NEBL: variants seen among roughly 807,000 people sequenced by gnomAD.
NEBL encodes nebulette, also known as LIM and SH3 protein 2.
In NEBL, 122 loss-of-function variants were observed where a neutral mutation model predicts 140.2. The observed-to-expected ratio is 0.87, with a 90% CI of 0.75 to 1.01. The LOEUF (loss-of-function observed/expected upper bound fraction) is 1.01. NEBL is among the 50% of genes least tolerant of loss of function. The probability of loss-of-function intolerance (pLI) is 0.00; values close to 1 mark genes in which losing one functional copy is unlikely to be tolerated. For missense variants in NEBL, 1,365 were observed against 1,231.3 expected (o/e 1.11, Z -1.62); for synonymous variants, 436 against 398.9 (o/e 1.09, Z -1.11).
chr10:21,215,705 G>A (rs533712919), intron 3 of NEBL, among the ~76,000 whole-genome samples: 23 of 152,270 alleles, frequency 1.5e-4, no homozygotes, highest in Non-Finnish European at 2.9e-4. Context: ...CTGTCATCCA[G>A]TCTGGAACGC....
chr10:20,864,400 G>A (rs1292408712), intron 7 of NEBL, among the ~76,000 whole-genome samples: 1 of 152,082 alleles, frequency 6.6e-6, no homozygotes, highest in Non-Finnish European at 1.5e-5. Context: ...TTACAACTAC[G>A]GGAGCAAAGC....
intron 3 of NEBL, among the ~76,000 whole-genome samples, chr10:21,237,808 T>C (rs78058011): frequency 2.0e-5 from 3 of 152,088 alleles, no homozygotes; most frequent in Non-Finnish European, 4.4e-5. Context: ...GGTTTCACCA[T>C]GTTGGCTGGG....
chr10:21,058,289 G>A (rs968308176), intron 2 of NEBL, among the ~76,000 whole-genome samples: 2 of 152,178 alleles, frequency 1.3e-5, no homozygotes, highest in Admixed American at 6.5e-5. Flanking sequence ...GGAGAGCATA[G>A]ATATAATCCA....
intron 3 of NEBL, among the ~76,000 whole-genome samples, chr10:21,231,050 A>C (rs1842242723): frequency 6.6e-6 from 1 of 152,238 alleles, no homozygotes. Context: ...AAAGAAAGTC[A>C]ATTGATTCAC....
chr10:20,787,247 C>T lies in NEBL; in HGVS notation c.2823G>A (p.Gln941=). 1 of 1,613,518 alleles carries T rather than the reference C, an allele frequency of 6.2e-7. No individual in the cohort carries two copies. The highest frequency in any genetic ancestry group is 8.5e-7 in the Non-Finnish European group (1 of 1,179,736). The change falls in exon 27 of 28, where the codon CAG becomes CAA. Residue 941 remains glutamine, a synonymous_variant. Coordinates refer to ENST00000377122, the MANE Select transcript of NEBL (RefSeq NM_006393.3). ...TTGATCTCATGGATGACACACTGGT[C>T]TGGTGCATGTAGCCATAGCCTTGGG... ...SHSQGYGYMH[Q]TSVSSMRSMQ...
chr10:20,851,546 C>T (rs538276681), intron 10 of NEBL, among the ~76,000 whole-genome samples: 6 of 150,684 alleles, frequency 4.0e-5, no homozygotes, highest in African/African-American at 9.8e-5. Flanking sequence ...GAGGCCAAGG[C>T]GGGCAGATCA....
At chr10:20,906,659 G>T (rs145948853) in intron 4 of NEBL, among the ~76,000 whole-genome samples, 103 of 152,038 alleles carry the variant, frequency 6.8e-4, no homozygotes, top group African/African-American at 2.4e-3. Flanking sequence ...GGGGGTGTGG[G>T]TGTGTCTATG....
At chr10:21,019,119 C>G (rs1480007882) in intron 3 of NEBL, among the ~76,000 whole-genome samples, 1 of 152,192 alleles carries the variant, frequency 6.6e-6, no homozygotes, top group Non-Finnish European at 1.5e-5. Flanking sequence ...TGTGCGTTTC[C>G]CTTTCATATA....
intron 1 of NEBL, among the ~76,000 whole-genome samples, chr10:21,264,200 G>A (rs989323451): frequency 2.6e-5 from 4 of 152,192 alleles, no homozygotes; most frequent in African/African-American, 9.7e-5. Context: ...TCCCCAGTTG[G>A]GATGATCCTG....
intron 3 of NEBL, among the ~76,000 whole-genome samples, chr10:20,998,844 T>C (rs1224162532): frequency 1.3e-5 from 2 of 152,186 alleles, no homozygotes; most frequent in East Asian, 3.9e-4. Context: ...TGTTTGTCTA[T>C]GGACTAACTT....
rs763267239 is a variant in NEBL at position 20,826,538 on chromosome 10, A to G, written c.1778T>C (p.Val593Ala). The change falls in exon 18 of 28, where the codon GTA becomes GCA. Residue 593 changes from valine to alanine, a missense_variant and splice_region_variant. Physicochemically the swap from Val to Ala is moderately conservative, Grantham distance 64. Transcript: ENST00000377122. ...AGCTCCCACTTCTTTCTTATAAAAT[A>G]CCTTTATTATAAGAAAAGGAAAAGA... ...IKTTQQNISA[V>A]FYKKEVGAGT... The G allele has an allele frequency of 3.7e-6, 6 of 1,603,298 alleles. No homozygotes were observed. The Admixed American group carries it at 6.7e-5, about 18-fold the overall frequency.
At chr10:20,987,603 G>A (rs1288740502) in intron 3 of NEBL, among the ~76,000 whole-genome samples, 1 of 152,066 alleles carries the variant, frequency 6.6e-6, no homozygotes, top group Non-Finnish European at 1.5e-5. Context: ...GCCAATAGCT[G>A]TGCTGCCTCC....
intron 21 of NEBL, 198 bp from the exon 22 acceptor site, chr10:20,815,915 C>CATG: frequency 3.5e-6 from 2 of 569,758 alleles, no homozygotes; most frequent in Non-Finnish European, 6.3e-6. Flanking sequence ...ATTACAGGCA[C>CATG]CTGCCACCAT....
intron 13 of NEBL, among the ~76,000 whole-genome samples, chr10:20,839,662 A>T (rs550950928): frequency 6.6e-6 from 1 of 152,304 alleles, no homozygotes; most frequent in South Asian, 2.1e-4. Context: ...TTTCTATAAG[A>T]CACTGTTAAA....
upstream of NEBL, among the ~76,000 whole-genome samples, chr10:21,177,897 TATTA>T (rs1165681750): frequency 2.0e-5 from 3 of 152,194 alleles, no homozygotes; most frequent in Non-Finnish European, 2.9e-5. Flanking sequence ...GAGCTCTTAT[TATTA>T]ATTATTTCAT....
chr10:20,795,679 G>A (rs1836436327), intron 26 of NEBL, among the ~76,000 whole-genome samples: 1 of 152,050 alleles, frequency 6.6e-6, no homozygotes, highest in Admixed American at 6.6e-5. Flanking sequence ...TCAAGCCTAT[G>A]TTCAATATCA....
At chr10:20,869,339 G>A (rs1844669258) in intron 6 of NEBL, among the ~76,000 whole-genome samples, 1 of 152,172 alleles carries the variant, frequency 6.6e-6, no homozygotes, top group South Asian at 2.1e-4. Flanking sequence ...AAAGGTAAGT[G>A]TTGGTGGAAG....
chr10:21,137,652 G>A lies in NEBL; in HGVS notation c.164+34731C>T, dbSNP rs1839416773. On this transcript the variant is annotated intron_variant, in intron 2 of 6. Coordinates refer to the NEBL transcript ENST00000417816. ...CTAAGCTAAGTGAAACTGGAAGTGA[G>A]CCAGGCATGGTGGCTCATGACTGTA... 2.0e-5 allele frequency among the ~76,000 whole-genome samples: 3 copies of A among 152,144 alleles called. No individual in the cohort carries two copies. In the South Asian group the frequency reaches 6.2e-4, roughly 32 times the overall value.
At chr10:20,972,156 A>G (rs1258732866) in intron 3 of NEBL, among the ~76,000 whole-genome samples, 2 of 152,216 alleles carry the variant, frequency 1.3e-5, no homozygotes, top group Non-Finnish European at 2.9e-5. Flanking sequence ...AGCAAATATA[A>G]ACAAAGTGAA....
Sources: gnomAD v4.1 joint callset for allele counts (sites outside exome capture counted in the v4.1 genomes callset) on GRCh38, gnomAD v4.1.1 for gene constraint, MANE v1.5 for transcripts, NCBI Gene and HGNC (gene_info 2026-07-23, HGNC 2026-07-21) for gene names.